The following TXLNB variants were observed in gnomAD, a reference collection of about 807,000 sequenced individuals.
TXLNB encodes taxilin beta, also known as beta-taxilin.
A neutral mutation model predicts 57.4 loss-of-function variants in TXLNB; 37 were observed. The ratio of observed to expected loss-of-function variants is 0.64; its 90% CI spans 0.50 to 0.85. The LOEUF (loss-of-function observed/expected upper bound fraction) is 0.85, where lower values mean the gene tolerates loss of function less well. Among genes scored for constraint, TXLNB ranks in the 40% least tolerant of loss-of-function variants. The probability of loss-of-function intolerance (pLI) is 0.00; values close to 1 mark genes in which losing one functional copy is unlikely to be tolerated. For synonymous variants in TXLNB, 302 were observed against 309.6 expected, an observed-to-expected ratio of 0.98 and a Z score of 0.26; for missense variants, 848 against 825.6, an observed-to-expected ratio of 1.03 and a Z score of -0.33.
rs201569089 is a variant in TXLNB at position 139,270,625 on chromosome 6, A to G, written c.518T>C (p.Leu173Pro). 4.9e-5 allele frequency: 79 copies of G among 1,613,746 alleles called. No homozygotes were observed. The highest frequency in any genetic ancestry group is 1.5e-4 in the Admixed American group (9 of 59,962). The change falls in exon 4 of 10, where the codon CTG becomes CCG. Residue 173 changes from leucine to proline, a missense_variant and splice_region_variant. Transcript: ENST00000358430. ...DFLFKKYAEL[L>P]DEHRTEQKKL... The stretch of plus-strand genomic sequence containing the variant: ...CTTTTGCTCAGTACGATGTTCATCC[A>G]GCTGTACACATGGAGATACAAACAT...
Position 139,284,325 on chromosome 6 carries a change from C to T in TXLNB, c.424+4151G>A, listed in dbSNP as rs1352990082. Among the ~76,000 whole-genome samples the T allele has an allele frequency of 1.4e-5, 2 of 144,446 alleles. 1 individual carries two copies. Among genetic ancestry groups the T allele is most frequent in the Non-Finnish European group, 3.1e-5 (2 of 65,124 alleles). 94.8% of individuals were successfully genotyped at this position (144,446 alleles called of 152,430 possible). ...CGGGTGGATCATGAGGTCAGGAGAT[C>T]GAGACCATCCTGGCCAACACAATGA... On this transcript the variant is annotated intron_variant, in intron 2 of 9. Transcript: ENST00000358430.
At chr6:139,230,205 C>T in the TXLNB span, among the ~76,000 whole-genome samples, 1 of 152,190 alleles carries the variant, frequency 6.6e-6, no homozygotes, top group Non-Finnish European at 1.5e-5. Flanking sequence ...AGATGGTCCA[C>T]CTACAACTAT....
chr6:139,181,130 C>G, the TXLNB span, among the ~76,000 whole-genome samples: 2 of 149,898 alleles, frequency 1.3e-5, no homozygotes, highest in East Asian at 3.9e-4. Context: ...GATAGACCCC[C>G]AAGGTCAACC....
the TXLNB span, among the ~76,000 whole-genome samples, chr6:139,198,799 C>A: frequency 2.6e-5 from 4 of 152,180 alleles, no homozygotes; most frequent in Non-Finnish European, 5.9e-5. Context: ...GGGCTCCATT[C>A]ACACCATCCC....
chr6:139,270,088 T>C (rs11759041), intron 4 of TXLNB, among the ~76,000 whole-genome samples: 13,047 of 152,212 alleles, frequency 0.086, 628 homozygotes, highest in Middle Eastern at 0.11. Flanking sequence ...TCTTTACAAA[T>C]GTATTTTTTT....
chr6:139,228,801 G>A, the TXLNB span, among the ~76,000 whole-genome samples: 1 of 152,120 alleles, frequency 6.6e-6, no homozygotes, highest in Non-Finnish European at 1.5e-5. Flanking sequence ...GATAACGTAT[G>A]AATAAAATTA....
At chr6:139,175,851 CTG>C in the TXLNB span, among the ~76,000 whole-genome samples, 1 of 152,190 alleles carries the variant, frequency 6.6e-6, no homozygotes, top group African/African-American at 2.4e-5. Context: ...TCACCATGCA[CTG>C]TATTTCTTCC....
Position 139,288,989 on chromosome 6 carries a change from A to C in TXLNB, c.-14-76T>G. 3.7e-6 allele frequency: 4 copies of C among 1,071,852 alleles called. No individual in the cohort carries two copies. The East Asian group carries it at 7.4e-5, about 20-fold the overall frequency. The allele number at this position is 1,071,852 out of a possible 1,614,324, so 66.4% of individuals were successfully genotyped here. ...TCAATGCTACATTTCAATGGTAAGG[A>C]TATCCCCCAAGTGAATACCAACTAA... On this transcript the variant is annotated intron_variant, in intron 1 of 9. Transcript: ENST00000358430.
At chr6:139,202,813 C>G in the TXLNB span, among the ~76,000 whole-genome samples, 1 of 152,172 alleles carries the variant, frequency 6.6e-6, no homozygotes, top group Non-Finnish European at 1.5e-5. Flanking sequence ...TTCCTTCTAT[C>G]TAGCTGTAAT....
the TXLNB span, among the ~76,000 whole-genome samples, chr6:139,171,255 T>TA: frequency 2.0e-5 from 3 of 151,854 alleles, no homozygotes; most frequent in East Asian, 3.9e-4. Flanking sequence ...GAGGATATGA[T>TA]AAACCCACAA....
upstream of TXLNB, among the ~76,000 whole-genome samples, chr6:139,296,822 C>G (rs1470497906): frequency 1.3e-5 from 2 of 151,972 alleles, no homozygotes; most frequent in Admixed American, 6.6e-5. Flanking sequence ...CAGGGGCGGG[C>G]GAGAGGATCA....
At chr6:139,167,524 T>C in the TXLNB span, among the ~76,000 whole-genome samples, 1 of 152,206 alleles carries the variant, frequency 6.6e-6, no homozygotes, top group Non-Finnish European at 1.5e-5. Flanking sequence ...CAAGTACAGT[T>C]GTCCTAGCGG....
chr6:139,217,785 C>T, the TXLNB span, among the ~76,000 whole-genome samples: 2 of 146,966 alleles, frequency 1.4e-5, no homozygotes, highest in South Asian at 4.3e-4. Context: ...AGGAGAATCG[C>T]TTGCACCTGG....
At chr6:139,210,514 G>A in the TXLNB span, among the ~76,000 whole-genome samples, 4 of 152,204 alleles carry the variant, frequency 2.6e-5, no homozygotes, top group Non-Finnish European at 4.4e-5. Context: ...AGCCAAGATG[G>A]CCGAATAGGA....
chr6:139,191,373 T>A, the TXLNB span, among the ~76,000 whole-genome samples: 93 of 152,194 alleles, frequency 6.1e-4, no homozygotes, highest in African/African-American at 2.2e-3. Flanking sequence ...GAGCCGAGAT[T>A]GCACCATTGC....
intron 9 of TXLNB, among the ~76,000 whole-genome samples, chr6:139,243,968 C>T (rs144971979): frequency 4.6e-5 from 7 of 152,046 alleles, no homozygotes; most frequent in Admixed American, 1.3e-4. Context: ...CACCTCTGAG[C>T]TACTCTGTCC....
chr6:139,206,505 A>G, the TXLNB span, among the ~76,000 whole-genome samples: 1 of 152,106 alleles, frequency 6.6e-6, no homozygotes, highest in African/African-American at 2.4e-5. Flanking sequence ...CATCTCTACT[A>G]AAAACACAAA....
intron 3 of TXLNB, among the ~76,000 whole-genome samples, chr6:139,272,836 C>T (rs1012792890): frequency 1.5e-4 from 23 of 152,078 alleles, no homozygotes; most frequent in African/African-American, 4.8e-4. Context: ...GAGATGGAGA[C>T]CAGCCTGGCC....
intron 2 of TXLNB, among the ~76,000 whole-genome samples, chr6:139,278,819 C>T (rs948858532): frequency 6.6e-6 from 1 of 152,330 alleles, no homozygotes; most frequent in Non-Finnish European, 1.5e-5. Flanking sequence ...TCCTGGCCAA[C>T]ATGGTGAAAC....
Sources: allele counts gnomAD v4.1 joint callset (sites outside exome capture counted in the v4.1 genomes callset), GRCh38; gene constraint gnomAD v4.1.1; transcripts MANE v1.5; gene names NCBI Gene and HGNC (gene_info 2026-07-23, HGNC 2026-07-21).